The following MYOF variants were observed in gnomAD, a reference collection of about 807,000 sequenced individuals.
The protein encoded by MYOF is myoferlin, also known as fer-1-like 3, myoferlin.
Under a neutral mutation model 284.2 loss-of-function variants are expected in MYOF, and 244 were observed. That is an observed-to-expected ratio of 0.86 (90% CI 0.77 to 0.95). MYOF has a LOEUF of 0.95. Among genes scored for constraint, MYOF ranks in the 40% least tolerant of loss-of-function variants. The probability of loss-of-function intolerance (pLI) is 0.00; values close to 1 mark genes in which losing one functional copy is unlikely to be tolerated. For synonymous variants in MYOF, 904 were observed against 919.7 expected (o/e 0.98, Z 0.31); for missense variants, 2,496 against 2,560.6 (o/e 0.97, Z 0.54).
At position 93,479,770 on chromosome 10, in the gene MYOF, C is replaced by T. The variant is rs2057348568; in HGVS notation, c.88+2337G>A. On this transcript the variant is annotated intron_variant, in intron 1 of 53. Coordinates refer to ENST00000359263, the MANE Select transcript of MYOF (RefSeq NM_013451.4). ...GAGTGCCCTTTCCTCTGTCAGGTTG[C>T]TTGTTAGCTAAATGAATGAATGACT... Among the ~76,000 whole-genome samples the T allele has an allele frequency of 2.0e-5, 3 of 152,078 alleles. No individual in the cohort carries two copies. The South Asian group carries it at 6.2e-4, about 32-fold the overall frequency.
chr10:93,399,823 G>C (rs1847189990), intron 12 of MYOF, among the ~76,000 whole-genome samples: 1 of 152,116 alleles, frequency 6.6e-6, no homozygotes, highest in Non-Finnish European at 1.5e-5. Context: ...AGTGAGCCAA[G>C]ATCACACCAC....
intron 21 of MYOF, among the ~76,000 whole-genome samples, chr10:93,378,171 T>C (rs1168857336): frequency 1.3e-5 from 2 of 152,158 alleles, no homozygotes; most frequent in African/African-American, 2.4e-5. Context: ...TTCTATTCCA[T>C]TGAGCACCTG....
intron 17 of MYOF, among the ~76,000 whole-genome samples, chr10:93,390,241 C>G (rs1846609946): frequency 2.0e-5 from 3 of 152,182 alleles, no homozygotes; most frequent in Admixed American, 2.0e-4. Context: ...TAGACATATA[C>G]TGCACAGTCA....
intron 49 of MYOF, among the ~76,000 whole-genome samples, chr10:93,318,511 C>A (rs1488026234): frequency 6.6e-6 from 1 of 152,206 alleles, no homozygotes; most frequent in Non-Finnish European, 1.5e-5. Flanking sequence ...ATAATCCCAG[C>A]ACTTTGCGGG....
At chr10:93,356,594 T>C in intron 30 of MYOF, 81 bp downstream of exon 30, 1 of 1,428,732 alleles carries the variant, frequency 7.0e-7, no homozygotes, top group Non-Finnish European at 9.5e-7. Context: ...GGGACCTCTA[T>C]GGAGTTGGCA....
intron 3 of MYOF, among the ~76,000 whole-genome samples, chr10:93,447,797 G>A (rs1256196294): frequency 2.6e-5 from 4 of 152,058 alleles, no homozygotes; most frequent in Non-Finnish European, 5.9e-5. Flanking sequence ...GACGGTGGGG[G>A]GCTGACCTCT....
intron 4 of MYOF, 42 bp downstream of exon 4, chr10:93,431,366 C>T (rs776895518): frequency 3.8e-6 from 6 of 1,563,778 alleles, no homozygotes; most frequent in Non-Finnish European, 5.3e-6. Context: ...TTTGCTCAAT[C>T]ATCTCACTTC....
intron 3 of MYOF, among the ~76,000 whole-genome samples, chr10:93,451,803 G>T (rs543385125): frequency 6.6e-6 from 1 of 152,332 alleles, no homozygotes; most frequent in South Asian, 2.1e-4. Context: ...TAAGTGCCAA[G>T]TTTGATAAAC....
Position 93,325,935 on chromosome 10 carries a change from C to T in MYOF, c.5162G>A (p.Gly1721Glu). Reference sequence around the variant, plus strand: ...AAGAGCAAGCCGCTCTTCAGGGGCCCCGAGGTGCTGGTGCAGGATTTTGTT... The same window carrying T: ...AAGAGCAAGCCGCTCTTCAGGGGCCTCGAGGTGCTGGTGCAGGATTTTGTT... ...EANKILHQHL[G>E]APEERLALHI... is the part of the protein sequence containing the mutation. The change falls in exon 46 of 54, where the codon GGG becomes GAG. Residue 1721 changes from glycine (G) to glutamate (E), a missense_variant. By Grantham distance (98) the Gly-to-Glu change is moderately conservative. Coordinates refer to ENST00000359263, the MANE Select transcript of MYOF (RefSeq NM_013451.4). 6.2e-7 allele frequency: 1 copy of T among 1,613,970 alleles called. No individual in the cohort carries two copies. The highest frequency in any genetic ancestry group is 8.5e-7 in the Non-Finnish European group (1 of 1,179,990).
intron 17 of MYOF, among the ~76,000 whole-genome samples, chr10:93,390,972 C>G (rs182131578): frequency 1.3e-5 from 2 of 152,272 alleles, no homozygotes; most frequent in African/African-American, 2.4e-5. Flanking sequence ...CAGATTTAAC[C>G]CCAGATCTTG....
chr10:93,375,001 C>A (rs1206506869), intron 22 of MYOF, 46 bp from the exon 23 acceptor site: 1 of 1,561,054 alleles, frequency 6.4e-7, no homozygotes, highest in Non-Finnish European at 8.7e-7. Context: ...GAAGAATAAC[C>A]TAATTTTAGG....
intron 46 of MYOF, among the ~76,000 whole-genome samples, chr10:93,325,067 C>T (rs787683): frequency 0.022 from 3,424 of 152,282 alleles, 61 homozygotes; most frequent in Non-Finnish European, 0.035. Flanking sequence ...CATAAGCCAC[C>T]GCACCCGGCC....
chr10:93,378,713 A>ATATATATATATGTATG (rs1338159505), intron 21 of MYOF, among the ~76,000 whole-genome samples: 2 of 124,934 alleles, frequency 1.6e-5, no homozygotes, highest in Admixed American at 1.7e-4. Flanking sequence ...ATATATATAT[A>ATATATATATATGTATG]TATGTATATA....
In MYOF at chr10:93,328,892, G is replaced by T. The variant is rs770074204; in HGVS notation, c.5002C>A (p.Arg1668=). 5 of 1,610,852 alleles carry T rather than the reference G, an allele frequency of 3.1e-6. No homozygotes were observed. The highest frequency in any genetic ancestry group is 1.7e-5 in the Admixed American group (1 of 59,968). Residue 1668 remains arginine (R), a synonymous_variant, in exon 45 of 54, where the codon CGA becomes AGA. Transcript: ENST00000359263. ...EYCVSGVNTW[R]DQLRPTQLLQ... is the part of the protein sequence containing the mutation. ...AGCTGTGTTGGTCTCAGTTGATCTC[G>T]CCAGGTATTGACTCCAGAACTGTGA... is the stretch of plus-strand genomic sequence containing the variant.
chr10:93,358,192 G>GA (rs962251335), intron 29 of MYOF, among the ~76,000 whole-genome samples: 4 of 152,118 alleles, frequency 2.6e-5, no homozygotes, highest in African/African-American at 2.4e-5. Context: ...CAAAAAACAT[G>GA]AAAAAAAGCT....
chr10:93,458,434 A>T (rs1479825389), intron 1 of MYOF, among the ~76,000 whole-genome samples: 1 of 152,132 alleles, frequency 6.6e-6, no homozygotes, highest in Non-Finnish European at 1.5e-5. Flanking sequence ...AAGCTGAGTA[A>T]CATTCAAAGT....
chr10:93,411,390 C>T (rs770111763), intron 5 of MYOF, among the ~76,000 whole-genome samples: 1 of 152,200 alleles, frequency 6.6e-6, no homozygotes, highest in Admixed American at 6.5e-5. Context: ...ATTTTGATCA[C>T]GGCACTAATC....
intron 17 of MYOF, 142 bp from the exon 18 acceptor site, chr10:93,389,296 G>T: frequency 1.1e-6 from 1 of 879,478 alleles, no homozygotes; most frequent in Non-Finnish European, 1.6e-6. Context: ...TAAGCACCAT[G>T]AGGTTTGCCA....
At position 93,374,813 on chromosome 10, in the gene MYOF, G is replaced by T; in HGVS notation, c.2251C>A (p.Leu751Met). The change falls in exon 23 of 54, where the codon CTG becomes ATG. Residue 751 changes from leucine to methionine, a missense_variant. Leu to Met is a conservative substitution (Grantham distance 15). This residue lies in a region of MYOF where 2,436 missense variants were observed against 2,480.7 expected (regional missense o/e 0.98). Transcript: ENST00000359263. ...TCAAGCCAGTCCTCAATTTCTGCCAGTGTGGACTTCACATCTGTGGCTTCC... is the reference window on the plus strand; with the variant it reads ...TCAAGCCAGTCCTCAATTTCTGCCATTGTGGACTTCACATCTGTGGCTTCC... Reference protein sequence around the residue: ...RSEATDVKSTLAEIEDWLDKL... With the variant: ...RSEATDVKSTMAEIEDWLDKL... The T allele has an allele frequency of 6.2e-7, 1 of 1,614,154 alleles. No homozygotes were observed. Among genetic ancestry groups the T allele is most frequent in the South Asian group, 1.1e-5 (1 of 91,072 alleles).
Sources: allele counts gnomAD v4.1 joint callset (sites outside exome capture counted in the v4.1 genomes callset), GRCh38; gene constraint gnomAD v4.1.1; regional missense constraint gnomAD v4.1.1; transcripts MANE v1.5; gene names NCBI Gene and HGNC (gene_info 2026-07-23, HGNC 2026-07-21).